Variants in PRKAR1A observed in about 807,000 individuals in gnomAD.
PRKAR1A encodes the protein protein kinase cAMP-dependent type I regulatory subunit alpha.
In PRKAR1A, 3 loss-of-function variants were observed where a neutral mutation model predicts 52.0. The ratio of observed to expected loss-of-function variants is 0.06; its 90% CI spans 0.03 to 0.15. The LOEUF (loss-of-function observed/expected upper bound fraction) is 0.15. PRKAR1A is among the 10% of genes least tolerant of loss of function. PRKAR1A has a pLI of 1.00. For synonymous variants in PRKAR1A, 188 were observed against 168.4 expected (o/e 1.12, Z -0.90); for missense variants, 240 against 477.4 (o/e 0.50, Z 4.63).
At chr17:68,550,420 G>A (rs533248493) in intron 11 of PRKAR1A, among the ~76,000 whole-genome samples, 3 of 120,608 alleles carry the variant, frequency 2.5e-5, no homozygotes, top group Non-Finnish European at 4.7e-5. Context: ...TCCCTCTGTT[G>A]CCCAGGCTGG....
At chr17:68,501,968 CA>C in the PRKAR1A span, among the ~76,000 whole-genome samples, 1 of 152,210 alleles carries the variant, frequency 6.6e-6, no homozygotes, top group Non-Finnish European at 1.5e-5. Flanking sequence ...TCCTTCACAT[CA>C]ATCCCTAGGT....
At chr17:68,433,711 G>A in the PRKAR1A span, 1 of 424,694 alleles carries the variant, frequency 2.4e-6, no homozygotes, top group Non-Finnish European at 4.1e-6. Flanking sequence ...TAAACACTGT[G>A]GTGCTCATAT....
At chr17:68,536,550 G>A (rs1382389033), downstream of PRKAR1A, 2 of 454,048 alleles carry the variant, frequency 4.4e-6, no homozygotes, top group South Asian at 1.6e-5. Context: ...GGCATCTAGA[G>A]GGCCTCACCT....
chr17:68,470,113 C>G, the PRKAR1A span, among the ~76,000 whole-genome samples: 1 of 149,806 alleles, frequency 6.7e-6, no homozygotes, highest in Non-Finnish European at 1.5e-5. Context: ...GACAGAGTCT[C>G]ACTCTGTCAC....
chr17:68,458,315 A>G, the PRKAR1A span, among the ~76,000 whole-genome samples: 6 of 152,262 alleles, frequency 3.9e-5, no homozygotes, highest in African/African-American at 1.4e-4. Flanking sequence ...TGTCTAAAGT[A>G]ACAGTAAATG....
chr17:68,420,333 G>T, the PRKAR1A span: 8 of 1,614,044 alleles, frequency 5.0e-6, no homozygotes, highest in Non-Finnish European at 6.8e-6. Flanking sequence ...CCCGAGGTCA[G>T]AAAGGTTCTT....
chr17:68,436,392 C>A, the PRKAR1A span: 1 of 1,613,854 alleles, frequency 6.2e-7, no homozygotes, highest in Non-Finnish European at 8.5e-7. Flanking sequence ...CAGGGAGTTT[C>A]CATCATAAAG....
At chr17:68,420,068 C>A in the PRKAR1A span, 1 of 1,131,406 alleles carries the variant, frequency 8.8e-7, no homozygotes, top group Non-Finnish European at 1.3e-6. Flanking sequence ...AGAGAGCCAT[C>A]ATTGGAACAT....
intron 3 of PRKAR1A, 28 bp downstream of exon 3, chr17:68,522,954 G>C: frequency 1.9e-6 from 3 of 1,611,232 alleles, no homozygotes; most frequent in Non-Finnish European, 1.7e-6. Context: ...ATATCGGGGG[G>C]ATGCTTTTGG....
chr17:68,525,112 A>G (rs1451310076), intron 6 of PRKAR1A, among the ~76,000 whole-genome samples, 154 bp downstream of exon 6: 1 of 152,138 alleles, frequency 6.6e-6, no homozygotes. Context: ...TGACACAGAG[A>G]AACTCTTTAA....
chr17:68,506,833 C>T (rs2085205849), upstream of PRKAR1A, among the ~76,000 whole-genome samples: 1 of 152,080 alleles, frequency 6.6e-6, no homozygotes, highest in African/African-American at 2.4e-5. Context: ...CTCTGCATGC[C>T]TGTTACCTAG....
At chr17:68,425,372 TTTTTC>T in the PRKAR1A span, among the ~76,000 whole-genome samples, 10 of 134,736 alleles carry the variant, frequency 7.4e-5, no homozygotes, top group Non-Finnish European at 1.1e-4. Flanking sequence ...CCCGGCTAAT[TTTTTC>T]TTTTCTTTTT....
At chr17:68,536,506 C>CT (rs1568713444), downstream of PRKAR1A, 1 of 454,098 alleles carries the variant, frequency 2.2e-6, no homozygotes. Context: ...AAAAACCTGA[C>CT]TTAGTCTTTT....
the PRKAR1A span, among the ~76,000 whole-genome samples, chr17:68,425,517 G>A: frequency 1.3e-5 from 2 of 151,416 alleles, no homozygotes; most frequent in African/African-American, 2.4e-5. Context: ...CACCGCACCC[G>A]GCCACTTGTT....
the PRKAR1A span, chr17:68,435,686 A>G: frequency 9.6e-5 from 155 of 1,614,214 alleles, 2 homozygotes; most frequent in African/African-American, 1.5e-3. Flanking sequence ...GTGTTCCCTC[A>G]TGGGCAGCAA....
chr17:68,537,677 C>G, downstream of PRKAR1A: 1 of 1,613,770 alleles, frequency 6.2e-7, no homozygotes, highest in African/African-American at 1.3e-5. This position sits in a 1 kb window ranked among gnomAD's most constrained non-coding sequence, Gnocchi z 4.2. Flanking sequence ...TCTCGCATCA[C>G]ATCGCTGAGT....
chr17:68,426,574 C>T, the PRKAR1A span, among the ~76,000 whole-genome samples: 1 of 152,158 alleles, frequency 6.6e-6, no homozygotes. Flanking sequence ...ACTCTTTCAC[C>T]CAGGCTGGAG....
chr17:68,458,147 A>G, the PRKAR1A span, among the ~76,000 whole-genome samples: 1 of 152,200 alleles, frequency 6.6e-6, no homozygotes, highest in Non-Finnish European at 1.5e-5. Context: ...GAGAGATAGC[A>G]AGTTATCTTA....
chr17:68,444,705 T>G, the PRKAR1A span: 1 of 748,036 alleles, frequency 1.3e-6, no homozygotes. Flanking sequence ...TAAAGCAGAA[T>G]TTTGATGATG....
Sources: gnomAD v4.1 joint callset for allele counts (sites outside exome capture counted in the v4.1 genomes callset) on GRCh38, gnomAD v4.1.1 for gene constraint, Gnocchi (gnomAD v3.1) non-coding constraint, MANE v1.5 for transcripts, NCBI Gene and HGNC (gene_info 2026-07-23, HGNC 2026-07-21) for gene names.